Variants in UBE2D3 observed in about 807,000 individuals in gnomAD.
UBE2D3 encodes the protein ubiquitin conjugating enzyme E2 D3, also known as ubiquitin-conjugating enzyme E2 D3.
In UBE2D3, 2 loss-of-function variants were observed where a neutral mutation model predicts 22.8. That is an observed-to-expected ratio of 0.09 (90% CI 0.04 to 0.28). UBE2D3 has a LOEUF of 0.28. UBE2D3 is among the 10% of genes least tolerant of loss of function. UBE2D3 has a pLI of 1.00. For missense variants in UBE2D3, 27 were observed against 182.5 expected (o/e 0.15, Z 4.91); for synonymous variants, 56 against 60.4 (o/e 0.93, Z 0.34).
intron 6 of UBE2D3, among the ~76,000 whole-genome samples, chr4:102,800,668 A>C (rs979429893): frequency 3.9e-5 from 6 of 152,072 alleles, no homozygotes; most frequent in Admixed American, 6.6e-5. Flanking sequence ...TTCTCCCTTA[A>C]GTGATTCTAC....
At chr4:102,854,491 G>C (rs139794061) in intron 1 of UBE2D3, among the ~76,000 whole-genome samples, 180 of 152,210 alleles carry the variant, frequency 1.2e-3, no homozygotes, top group African/African-American at 4.3e-3. Context: ...AATGCTGTTA[G>C]GTGCATATAT....
At chr4:102,859,897 G>C (rs1272520615) in intron 1 of UBE2D3, among the ~76,000 whole-genome samples, 2 of 151,086 alleles carry the variant, frequency 1.3e-5, no homozygotes, top group Non-Finnish European at 3.0e-5. Flanking sequence ...CCAGGCTGGA[G>C]TGCAGTGGCG....
At chr4:102,818,521 C>T (rs570440097) in intron 2 of UBE2D3, among the ~76,000 whole-genome samples, 9 of 152,302 alleles carry the variant, frequency 5.9e-5, no homozygotes, top group East Asian at 1.9e-4. Flanking sequence ...TGGTCTAGTT[C>T]GCCTCATTAG....
intron 4 of UBE2D3, among the ~76,000 whole-genome samples, chr4:102,805,947 CAAGT>C (rs1291415661): frequency 2.6e-5 from 4 of 152,154 alleles, no homozygotes; most frequent in South Asian, 2.1e-4. Context: ...AGATAGTTAT[CAAGT>C]AAGATCTTTA....
intron 1 of UBE2D3, among the ~76,000 whole-genome samples, chr4:102,841,892 T>C (rs1253074518): frequency 6.6e-6 from 1 of 152,194 alleles, no homozygotes; most frequent in African/African-American, 2.4e-5. Context: ...CTACTTTTCC[T>C]TCTCCAGACT....
rs577901129 is a variant in UBE2D3 at position 102,796,781 on chromosome 4, T to C, written c.*634A>G. ...AATTACAAAATGTTTGAGACCCTAT[T>C]TTGGAATACAAAGGGTGTTTGACTT... On this transcript the variant is annotated 3_prime_UTR_variant, in exon 8 of 8. Coordinates refer to ENST00000453744, the MANE Select transcript of UBE2D3 (RefSeq NM_181891.3). 3.3e-5 allele frequency: 5 copies of C among 152,568 alleles called. No homozygotes were observed. Among genetic ancestry groups the C allele is most frequent in the Admixed American group, 2.6e-4 (4 of 15,252 alleles). The allele number at this position is 152,568 out of a possible 1,614,324, so 9.5% of individuals were successfully genotyped here.
intron 2 of UBE2D3, chr4:102,810,995 A>C (rs1236768612): frequency 6.6e-6 from 1 of 152,212 alleles, no homozygotes; most frequent in Non-Finnish European, 1.5e-5. Flanking sequence ...TATCTTCTAT[A>C]TCCCCTTTCT....
chr4:102,824,487 A>G (rs903760246), intron 2 of UBE2D3, among the ~76,000 whole-genome samples: 1 of 152,250 alleles, frequency 6.6e-6, no homozygotes, highest in African/African-American at 2.4e-5. Context: ...TATTAGGCAC[A>G]CAGTCATTTA....
At chr4:102,801,345 C>T in intron 6 of UBE2D3, 109 bp downstream of exon 6, 1 of 859,152 alleles carries the variant, frequency 1.2e-6, no homozygotes, top group African/African-American at 1.8e-5. Flanking sequence ...TTTATTGCTT[C>T]CCCATCTCTT....
intron 1 of UBE2D3, among the ~76,000 whole-genome samples, chr4:102,841,045 G>T (rs189836941): frequency 6.6e-6 from 1 of 151,868 alleles, no homozygotes; most frequent in Admixed American, 6.6e-5. Flanking sequence ...TAGCAATTTG[G>T]TATTAAACTG....
chr4:102,813,713 CT>C (rs1560858807), intron 2 of UBE2D3, among the ~76,000 whole-genome samples: 1 of 152,072 alleles, frequency 6.6e-6, no homozygotes, highest in Non-Finnish European at 1.5e-5. Context: ...TAATTTAACG[CT>C]AAGAAAGGGA....
chr4:102,819,914 T>C (rs192454144), intron 2 of UBE2D3, among the ~76,000 whole-genome samples: 11 of 152,380 alleles, frequency 7.2e-5, no homozygotes, highest in Non-Finnish European at 1.5e-5. Flanking sequence ...AGACAAGATT[T>C]ACATGACTCA....
intron 1 of UBE2D3, among the ~76,000 whole-genome samples, chr4:102,856,916 G>C (rs1043590277): frequency 2.0e-5 from 3 of 152,146 alleles, no homozygotes; most frequent in African/African-American, 7.2e-5. Context: ...GGGGTAAATA[G>C]GTGGAGCATA....
chr4:102,862,512 T>C (rs1732946246), intron 1 of UBE2D3, among the ~76,000 whole-genome samples: 1 of 152,208 alleles, frequency 6.6e-6, no homozygotes, highest in Non-Finnish European at 1.5e-5. Flanking sequence ...TATTTTGGGT[T>C]TCTTATACCT....
chr4:102,801,388 T>C (rs1726134709), intron 6 of UBE2D3, 66 bp downstream of exon 6: 3 of 1,353,600 alleles, frequency 2.2e-6, no homozygotes, highest in Non-Finnish European at 3.1e-6. Flanking sequence ...AATACTCAGA[T>C]AAGTAGATCT....
At chr4:102,826,994 G>A (rs1730626765) in intron 1 of UBE2D3, 1 of 997,308 alleles carries the variant, frequency 1.0e-6, no homozygotes, top group Non-Finnish European at 1.2e-6. Context: ...AGGGGGGAGG[G>A]GGAAGCATAA....
At chr4:102,798,445 C>T (rs1484730432) in intron 7 of UBE2D3, among the ~76,000 whole-genome samples, 1 of 151,398 alleles carries the variant, frequency 6.6e-6, no homozygotes, top group Non-Finnish European at 1.5e-5. Context: ...CTCAAAAAGC[C>T]AGCACTTTAA....
chr4:102,851,617 C>T (rs971495888), intron 1 of UBE2D3, among the ~76,000 whole-genome samples: 2 of 152,050 alleles, frequency 1.3e-5, no homozygotes, highest in South Asian at 2.1e-4. Context: ...GTCCTTTCTC[C>T]TCTTCTTCCT....
At chr4:102,854,004 C>G (rs1732512805) in intron 1 of UBE2D3, among the ~76,000 whole-genome samples, 1 of 152,136 alleles carries the variant, frequency 6.6e-6, no homozygotes, top group African/African-American at 2.4e-5. Context: ...GTCTGTTAGA[C>G]TAACTGGCAT....
Sources: gnomAD v4.1 joint callset for allele counts (sites outside exome capture counted in the v4.1 genomes callset) on GRCh38, gnomAD v4.1.1 for gene constraint, MANE v1.5 for transcripts, NCBI Gene and HGNC (gene_info 2026-07-23, HGNC 2026-07-21) for gene names.